Variants in PLB1 observed in about 807,000 individuals in gnomAD.
PLB1 encodes the protein phospholipase B1.
A neutral mutation model predicts 227.4 loss-of-function variants in PLB1; 242 were observed. The observed-to-expected ratio is 1.06, with a 90% CI of 0.96 to 1.18. The LOEUF is 1.18. Ranked by LOEUF, PLB1 falls within the 50% of genes most tolerant of loss-of-function variation. The pLI is 0.00. For synonymous variants in PLB1, 757 were observed against 682.2 expected (o/e 1.11, Z -1.71); for missense variants, 1,858 against 1,816.3 (o/e 1.02, Z -0.42).
intron 49 of PLB1, among the ~76,000 whole-genome samples, chr2:28,624,300 T>G (rs1687431195): frequency 6.6e-6 from 1 of 152,198 alleles, no homozygotes; most frequent in South Asian, 2.1e-4. Flanking sequence ...AAATTTTATA[T>G]AAATGGGATC....
chr2:28,496,217 G>A, intron 1 of PLB1, 48 bp downstream of exon 1: 2 of 1,574,740 alleles, frequency 1.3e-6, no homozygotes, highest in Non-Finnish European at 1.7e-6. Flanking sequence ...TAGCCCCGCT[G>A]GTGTCCCATG....
At chr2:28,637,313 A>AAAAAGTTTACTTGAAAAACAATATC (rs1689482839) in intron 56 of PLB1, among the ~76,000 whole-genome samples, 1 of 151,620 alleles carries the variant, frequency 6.6e-6, no homozygotes, top group Admixed American at 6.6e-5. Flanking sequence ...AAAAAAAAAA[A>AAAAAGTTTACTTGAAAAACAATATC]AAAAAGTTTA....
intron 28 of PLB1, 96 bp from the exon 29 acceptor site, chr2:28,589,909 C>A: frequency 7.3e-7 from 1 of 1,372,248 alleles, no homozygotes; most frequent in Non-Finnish European, 1.0e-6. Flanking sequence ...CCATCTCCTT[C>A]ATCCCTCCCT....
At chr2:28,602,424 A>T (rs1401268410) in intron 38 of PLB1, among the ~76,000 whole-genome samples, 1 of 152,212 alleles carries the variant, frequency 6.6e-6, no homozygotes, top group Non-Finnish European at 1.5e-5. Context: ...GGGCACTCTG[A>T]CCACCAGATG....
intron 1 of PLB1, among the ~76,000 whole-genome samples, chr2:28,496,730 A>G (rs879533879): frequency 2.0e-5 from 3 of 152,128 alleles, no homozygotes; most frequent in Admixed American, 6.6e-5. Context: ...ATTCCCCCCA[A>G]CATTAATGAC....
rs1200652115 is a variant in PLB1, at chr2:28,590,004, G to T, written c.2017-1G>T. ...CCCCATCTCCCTGCTTCTTTGTTTA[G>T]CTGGAGCCTGTTGGCCAGAAGACGA... On this transcript the variant is annotated splice_acceptor_variant, in intron 28 of 57. Coordinates refer to ENST00000327757, the MANE Select transcript of PLB1 (RefSeq NM_153021.5). LOFTEE classifies it high-confidence loss of function. 1 of 1,613,148 alleles carries T rather than the reference G, an allele frequency of 6.2e-7. No homozygotes were observed.
chr2:28,642,704 C>T (rs968773958), intron 57 of PLB1, among the ~76,000 whole-genome samples, 154 bp from the exon 58 acceptor site: 1 of 152,328 alleles, frequency 6.6e-6, no homozygotes, highest in Admixed American at 6.5e-5. Context: ...AGGGTTTGGG[C>T]ACAGCCTAAA....
In PLB1 at chr2:28,626,344, T is replaced by C. The variant is rs1687767608; in HGVS notation, c.3580-84T>C. The C allele has an allele frequency of 1.3e-5, 15 of 1,156,594 alleles. No homozygotes were observed. The South Asian group carries it at 1.8e-4, about 14-fold the overall frequency. The allele number at this position is 1,156,594 out of a possible 1,614,324, so 71.6% of individuals were successfully genotyped here. On this transcript the variant is annotated intron_variant, in intron 50 of 57. Transcript: ENST00000327757. ...CAGTATAAATAAGACAAAAGGCACT[T>C]GGAGGGCGGGCGGGCTGGCCCAGTA...
intron 16 of PLB1, among the ~76,000 whole-genome samples, 197 bp from the exon 17 acceptor site, chr2:28,552,731 G>A (rs1384018630): frequency 6.6e-6 from 1 of 152,232 alleles, no homozygotes; most frequent in Non-Finnish European, 1.5e-5. Flanking sequence ...CACTGGAGCA[G>A]AGGGAACAGA....
At position 28,579,626 on chromosome 2, in the gene PLB1, G is replaced by C; in HGVS notation, c.1486-1G>C. 1.2e-6 allele frequency: 2 copies of C among 1,609,962 alleles called. No homozygotes were observed. Among genetic ancestry groups the C allele is most frequent in the Non-Finnish European group, 1.7e-6 (2 of 1,176,432 alleles). Reference sequence around the variant, plus strand: ...TACTTCTGTGTTTCTATTCATTTCAGAGGATACACTTTCAGGAAGACTGGA... The same window carrying C: ...TACTTCTGTGTTTCTATTCATTTCACAGGATACACTTTCAGGAAGACTGGA... On this transcript the variant is annotated splice_acceptor_variant, in intron 22 of 57. Transcript: ENST00000327757. LOFTEE classifies it high-confidence loss of function.
intron 15 of PLB1, among the ~76,000 whole-genome samples, chr2:28,549,164 C>G (rs1380760789): frequency 6.6e-6 from 1 of 152,168 alleles, no homozygotes; most frequent in Non-Finnish European, 1.5e-5. Flanking sequence ...GGCATAGGAA[C>G]AAGGCCACAG....
intron 26 of PLB1, 117 bp downstream of exon 26, chr2:28,585,959 C>A: frequency 2.2e-6 from 2 of 911,636 alleles, no homozygotes; most frequent in Non-Finnish European, 3.5e-6. Context: ...TGACCACTGA[C>A]TAGTTTGCTG....
At chr2:28,564,110 C>T (rs1211670358) in intron 18 of PLB1, among the ~76,000 whole-genome samples, 2 of 152,154 alleles carry the variant, frequency 1.3e-5, no homozygotes, top group African/African-American at 2.4e-5. Flanking sequence ...AGCATGGTGA[C>T]ACATGCCTAT....
At chr2:28,596,958 A>G (rs1683025927) in intron 33 of PLB1, among the ~76,000 whole-genome samples, 1 of 152,214 alleles carries the variant, frequency 6.6e-6, no homozygotes, top group Non-Finnish European at 1.5e-5. Context: ...AGCTAAGGCC[A>G]CGTTCTTAAA....
intron 20 of PLB1, among the ~76,000 whole-genome samples, chr2:28,571,601 C>T (rs758632885): frequency 1.3e-5 from 2 of 152,070 alleles, no homozygotes; most frequent in African/African-American, 2.4e-5. Flanking sequence ...ATAGACATAT[C>T]GAACAGTGGA....
At chr2:28,628,446 G>T in intron 51 of PLB1, 117 bp from the exon 52 acceptor site, 1 of 845,714 alleles carries the variant, frequency 1.2e-6, no homozygotes. Context: ...CAGGACCACC[G>T]AAGCCCCTCT....
At chr2:28,625,674 C>T (rs1234992302) in intron 50 of PLB1, among the ~76,000 whole-genome samples, 2 of 152,148 alleles carry the variant, frequency 1.3e-5, no homozygotes, top group Non-Finnish European at 2.9e-5. Flanking sequence ...CTTCCCCCGA[C>T]CCTAAGAACT....
chr2:28,562,770 C>T (rs1476974814), intron 17 of PLB1, among the ~76,000 whole-genome samples: 1 of 152,092 alleles, frequency 6.6e-6, no homozygotes, highest in East Asian at 1.9e-4. Context: ...AATGCGAGCA[C>T]AGCTCCCCAC....
In PLB1 at chr2:28,529,346, C is replaced by T. The variant is rs1670700622; in HGVS notation, c.355C>T (p.Pro119Ser). The T allele has an allele frequency of 4.3e-6, 7 of 1,611,512 alleles. No individual in the cohort carries two copies. The East Asian group carries it at 1.6e-4, about 36-fold the overall frequency. ...VLSDIIRYFS[P>S]SVPMPVCHTG... Reference sequence around the variant, plus strand: ...TTCAGACATCATCAGATATTTCAGTCCTTCTGTTCCAATGCCTGTGTGCCA... The same window carrying T: ...TTCAGACATCATCAGATATTTCAGTTCTTCTGTTCCAATGCCTGTGTGCCA... The change falls in exon 7 of 58, where the codon CCT (proline) becomes TCT (serine). Residue 119 changes from proline (P) to serine (S), a missense_variant. Pro to Ser is a moderately conservative substitution (Grantham distance 74, BLOSUM62 -1). Transcript: ENST00000327757.
Sources: gnomAD v4.1 joint callset for allele counts (sites outside exome capture counted in the v4.1 genomes callset) on GRCh38, gnomAD v4.1.1 for gene constraint, MANE v1.5 for transcripts, NCBI Gene and HGNC (gene_info 2026-07-23, HGNC 2026-07-21) for gene names.